The following RGSL1 variants were observed in gnomAD, a reference collection of about 807,000 sequenced individuals.
RGSL1 encodes regulator of G protein signaling like 1.
Under a neutral mutation model 124.7 loss-of-function variants are expected in RGSL1, and 97 were observed. The observed-to-expected ratio is 0.78, with a 90% CI of 0.66 to 0.92. The LOEUF (loss-of-function observed/expected upper bound fraction) is 0.92. RGSL1 is among the 40% of genes least tolerant of loss of function. The pLI is 0.00. For missense variants in RGSL1, 1,233 were observed against 1,288.4 expected (o/e 0.96, Z 0.66); for synonymous variants, 424 against 438.1 (o/e 0.97, Z 0.40).
At chr1:182,539,695 T>C (rs1317069156) in intron 14 of RGSL1, among the ~76,000 whole-genome samples, 2 of 152,224 alleles carry the variant, frequency 1.3e-5, no homozygotes, top group Non-Finnish European at 2.9e-5. Context: ...CAAGAAACTT[T>C]CTAAAGGAAG....
chr1:182,514,701 G>C (rs1019088424), intron 9 of RGSL1, among the ~76,000 whole-genome samples: 1 of 152,192 alleles, frequency 6.6e-6, no homozygotes, highest in Non-Finnish European at 1.5e-5. Context: ...TGTCTACAGG[G>C]AGGACTTCTA....
chr1:182,478,530 C>T (rs1654465774), intron 6 of RGSL1, among the ~76,000 whole-genome samples: 1 of 151,888 alleles, frequency 6.6e-6, no homozygotes, highest in African/African-American at 2.4e-5. Flanking sequence ...AAGAAATGAA[C>T]TCAAAGACAG....
intron 9 of RGSL1, among the ~76,000 whole-genome samples, chr1:182,515,946 C>T (rs1012675606): frequency 2.0e-5 from 3 of 152,212 alleles, no homozygotes; most frequent in African/African-American, 7.2e-5. Context: ...TATTTAATGT[C>T]ATTGCCACAG....
At chr1:182,483,827 C>A (rs1263541385) in intron 6 of RGSL1, among the ~76,000 whole-genome samples, 1 of 152,030 alleles carries the variant, frequency 6.6e-6, no homozygotes, top group African/African-American at 2.4e-5. Context: ...GCAGCATCCC[C>A]TAGGAGCTCA....
At chr1:182,488,911 T>C (rs565709379) in intron 7 of RGSL1, 69 bp from the exon 8 acceptor site, 3 of 1,278,996 alleles carry the variant, frequency 2.3e-6, no homozygotes, top group Non-Finnish European at 3.3e-6. Flanking sequence ...CACTGAGTTA[T>C]TACAAAATTA....
chr1:182,506,220 CT>C (rs1172028785), intron 9 of RGSL1, among the ~76,000 whole-genome samples: 3 of 152,226 alleles, frequency 2.0e-5, no homozygotes, highest in African/African-American at 4.8e-5. Flanking sequence ...TTGTGATACT[CT>C]CATTATATTT....
chr1:182,504,258 A>C (rs1656634982), intron 9 of RGSL1, among the ~76,000 whole-genome samples: 1 of 152,242 alleles, frequency 6.6e-6, no homozygotes, highest in East Asian at 1.9e-4. Flanking sequence ...CTGGGATTAC[A>C]GGTGTGAGTC....
chr1:182,539,483 A>G (rs920214601), intron 14 of RGSL1, among the ~76,000 whole-genome samples: 1 of 152,200 alleles, frequency 6.6e-6, no homozygotes, highest in African/African-American at 2.4e-5. Flanking sequence ...CATAGGGAGC[A>G]CCACACCCAC....
intron 6 of RGSL1, among the ~76,000 whole-genome samples, chr1:182,476,987 C>T (rs746733512): frequency 6.6e-6 from 1 of 152,182 alleles, no homozygotes; most frequent in Non-Finnish European, 1.5e-5. Flanking sequence ...TTGTCCGTAG[C>T]ACATATCACT....
intron 18 of RGSL1, among the ~76,000 whole-genome samples, chr1:182,551,461 T>G (rs972253117): frequency 2.0e-5 from 3 of 152,202 alleles, no homozygotes; most frequent in African/African-American, 7.2e-5. Context: ...CCGGTCACAG[T>G]CTATGCTGAG....
chr1:182,552,145 G>T (rs1001139681), intron 18 of RGSL1, among the ~76,000 whole-genome samples: 24 of 150,704 alleles, frequency 1.6e-4, no homozygotes, highest in Middle Eastern at 3.4e-3. Context: ...AGGCAGTCTC[G>T]CTCTGTGGCC....
chr1:182,480,809 G>T (rs1425342172), intron 6 of RGSL1, among the ~76,000 whole-genome samples: 4 of 152,002 alleles, frequency 2.6e-5, no homozygotes, highest in African/African-American at 9.7e-5. Context: ...ATCAAGAATA[G>T]AAAATGGGAA....
intron 1 of RGSL1, among the ~76,000 whole-genome samples, chr1:182,451,901 A>T (rs557998322): frequency 8.6e-4 from 131 of 151,920 alleles, no homozygotes; most frequent in Non-Finnish European, 1.6e-3. Flanking sequence ...GAGAAGACAG[A>T]TTCCAGAGAT....
rs1355256658 is a variant in RGSL1, at chr1:182,488,975, C to T, written c.1495-5C>T. The T allele has an allele frequency of 2.6e-6, 4 of 1,549,170 alleles. No individual in the cohort carries two copies. Among genetic ancestry groups the T allele is most frequent in the Non-Finnish European group, 3.5e-6 (4 of 1,146,282 alleles). On this transcript the variant is annotated splice_polypyrimidine_tract_variant and splice_region_variant and intron_variant, in intron 7 of 21. Coordinates refer to ENST00000294854, the MANE Select transcript of RGSL1 (RefSeq NM_001137669.2). ...TGCCATCTTCCCCTCACCCTCTTCTCTTAGACACAGAACAGGTTCATCAGC... is the reference window on the plus strand; with the variant it reads ...TGCCATCTTCCCCTCACCCTCTTCTTTTAGACACAGAACAGGTTCATCAGC...
chr1:182,488,473 A>G (rs1655259489), intron 7 of RGSL1, 126 bp downstream of exon 7: 2 of 909,290 alleles, frequency 2.2e-6, no homozygotes, highest in South Asian at 3.0e-5. Flanking sequence ...TCAACCAAAG[A>G]TCAGCATGGT....
At chr1:182,461,721 A>C (rs1209035317) in intron 4 of RGSL1, among the ~76,000 whole-genome samples, 1 of 152,194 alleles carries the variant, frequency 6.6e-6, no homozygotes, top group Non-Finnish European at 1.5e-5. Context: ...TGAAAATTCT[A>C]CTAGAAAGAT....
intron 6 of RGSL1, among the ~76,000 whole-genome samples, chr1:182,478,070 A>G (rs1654430926): frequency 6.6e-6 from 1 of 152,196 alleles, no homozygotes; most frequent in African/African-American, 2.4e-5. Flanking sequence ...AAGAATTTCT[A>G]AACTGTTTAA....
At chr1:182,542,923 G>C (rs1195633374) in intron 15 of RGSL1, among the ~76,000 whole-genome samples, 1 of 152,004 alleles carries the variant, frequency 6.6e-6, no homozygotes, top group Non-Finnish European at 1.5e-5. Context: ...CAACTTTACT[G>C]AATGTCTGAG....
chr1:182,485,228 CG>C (rs1454198767), intron 6 of RGSL1, among the ~76,000 whole-genome samples: 1 of 152,068 alleles, frequency 6.6e-6, no homozygotes, highest in African/African-American at 2.4e-5. Context: ...GATCCAGGCT[CG>C]GGGAGTGGGT....
Sources: gnomAD v4.1 joint callset for allele counts (sites outside exome capture counted in the v4.1 genomes callset) on GRCh38, gnomAD v4.1.1 for gene constraint, MANE v1.5 for transcripts, NCBI Gene and HGNC (gene_info 2026-07-23, HGNC 2026-07-21) for gene names.